Variants in TENM2 observed in about 807,000 individuals in gnomAD.
TENM2 encodes teneurin transmembrane protein 2, also known as teneurin-2.
TENM2 carries 52 observed loss-of-function variants against 245.2 expected under a neutral mutation model. That is an observed-to-expected ratio of 0.21 (90% CI 0.17 to 0.27). The LOEUF is 0.27. Ranked by LOEUF, TENM2 falls within the 10% of genes least tolerant of loss-of-function variation. The pLI, the probability that TENM2 is intolerant of heterozygous loss-of-function variation, is 1.00. For synonymous variants in TENM2, 1,363 were observed against 1,438.9 expected, an observed-to-expected ratio of 0.95 and a Z score of 1.19; for missense variants, 3,046 against 3,666.8, an observed-to-expected ratio of 0.83 and a Z score of 4.37.
intron 2 of TENM2, among the ~76,000 whole-genome samples, chr5:167,537,404 A>G (rs553238665): frequency 1.1e-4 from 16 of 152,328 alleles, no homozygotes; most frequent in Admixed American, 2.0e-4. Context: ...CATCCTCATC[A>G]TGTTTCAGTG....
At chr5:167,217,868 T>C in the TENM2 span, among the ~76,000 whole-genome samples, 1 of 132,134 alleles carries the variant, frequency 7.6e-6, no homozygotes, top group African/African-American at 2.9e-5. Flanking sequence ...ACAGAAGATA[T>C]TAGTCCTCTT....
chr5:167,618,541 G>A (rs551915994), intron 2 of TENM2, among the ~76,000 whole-genome samples: 5 of 152,022 alleles, frequency 3.3e-5, no homozygotes, highest in African/African-American at 9.7e-5. Context: ...AACATCATTC[G>A]CTTAGCTGCA....
chr5:168,100,102 C>T (rs1364824450), intron 9 of TENM2, among the ~76,000 whole-genome samples: 1 of 152,162 alleles, frequency 6.6e-6, no homozygotes, highest in Admixed American at 6.5e-5. Flanking sequence ...GCTGAAGTTG[C>T]TTATCAGGTT....
At chr5:167,586,887 T>A (rs1561576977) in intron 2 of TENM2, among the ~76,000 whole-genome samples, 1 of 152,344 alleles carries the variant, frequency 6.6e-6, no homozygotes, top group Admixed American at 6.5e-5. Context: ...GACCTTTGAC[T>A]TTTAACTTGG....
Position 167,350,308 on chromosome 5 carries a change from G to T in TENM2, c.227-24890G>T, listed in dbSNP as rs1304798379. Among the ~76,000 whole-genome samples, 4 of 151,782 alleles carry T rather than the reference G, an allele frequency of 2.6e-5. No homozygotes were observed. The East Asian group carries it at 7.8e-4, about 29-fold the overall frequency. On this transcript the variant is annotated intron_variant, in intron 1 of 28. Transcript: ENST00000518659. ...AATAATTTATTTTTTGGATCACTTAGTTGTATACCTTTCCTATAAAACACA... is the reference window on the plus strand; with the variant it reads ...AATAATTTATTTTTTGGATCACTTATTTGTATACCTTTCCTATAAAACACA...
At chr5:167,611,654 T>A (rs775026651) in intron 2 of TENM2, among the ~76,000 whole-genome samples, 1 of 152,164 alleles carries the variant, frequency 6.6e-6, no homozygotes, top group African/African-American at 2.4e-5. Flanking sequence ...AAGTAGTTTA[T>A]AAACAACAGA....
chr5:168,099,034 C>T (rs902465611), intron 9 of TENM2, among the ~76,000 whole-genome samples: 2 of 152,102 alleles, frequency 1.3e-5, no homozygotes, highest in African/African-American at 4.8e-5. Flanking sequence ...CTCAGCCTCC[C>T]AAGTAGCTGG....
chr5:167,413,855 G>A (rs1489776865), intron 2 of TENM2, among the ~76,000 whole-genome samples: 1 of 152,112 alleles, frequency 6.6e-6, no homozygotes, highest in African/African-American at 2.4e-5. Context: ...ACATTAGGTG[G>A]CATAAACTGC....
intron 5 of TENM2, among the ~76,000 whole-genome samples, chr5:168,014,549 A>C (rs896748419): frequency 6.6e-6 from 1 of 152,302 alleles, no homozygotes. Flanking sequence ...CTTAAAAAAA[A>C]ATTTTTCCAC....
At chr5:166,991,350 A>G in the TENM2 span, among the ~76,000 whole-genome samples, 2 of 151,972 alleles carry the variant, frequency 1.3e-5, no homozygotes, top group African/African-American at 2.4e-5. Flanking sequence ...ATTGATTTAA[A>G]TTGGATATTT....
intron 2 of TENM2, among the ~76,000 whole-genome samples, chr5:167,531,738 C>A (rs1771519678): frequency 6.6e-6 from 1 of 151,938 alleles, no homozygotes; most frequent in African/African-American, 2.4e-5. Flanking sequence ...TCTTTCTGTG[C>A]CTGGCTTATT....
intron 2 of TENM2, among the ~76,000 whole-genome samples, chr5:167,549,851 T>C (rs1182392524): frequency 6.6e-6 from 1 of 152,202 alleles, no homozygotes; most frequent in Non-Finnish European, 1.5e-5. Flanking sequence ...CTTCTATGCA[T>C]TCATGGATTC....
At chr5:167,069,189 T>G in the TENM2 span, among the ~76,000 whole-genome samples, 1 of 152,284 alleles carries the variant, frequency 6.6e-6, no homozygotes, top group African/African-American at 2.4e-5. Flanking sequence ...TAATTTCCAT[T>G]AAGGGAGCTG....
At chr5:167,293,336 G>A (rs1324483927) in intron 1 of TENM2, among the ~76,000 whole-genome samples, 1 of 151,294 alleles carries the variant, frequency 6.6e-6, no homozygotes, top group African/African-American at 2.4e-5. Context: ...CAAGTAGCTG[G>A]CATTACAGGG....
chr5:168,025,957 C>A (rs1248866475), intron 5 of TENM2, among the ~76,000 whole-genome samples: 1 of 152,158 alleles, frequency 6.6e-6, no homozygotes, highest in Admixed American at 6.5e-5. Context: ...ATCTCCCTGG[C>A]TATGAAGGGG....
At chr5:167,319,653 A>C (rs183578982) in intron 1 of TENM2, among the ~76,000 whole-genome samples, 8 of 152,186 alleles carry the variant, frequency 5.3e-5, no homozygotes, top group African/African-American at 1.9e-4. Flanking sequence ...TATTTGAAGG[A>C]AGAAGCTGCA....
chr5:167,813,332 G>A (rs149654694), intron 2 of TENM2, among the ~76,000 whole-genome samples: 84 of 152,070 alleles, frequency 5.5e-4, no homozygotes, highest in African/African-American at 1.9e-3. Context: ...GAAATATTAC[G>A]TGTCTGCCCA....
chr5:167,196,441 A>AATATATATGTGTGT, the TENM2 span, among the ~76,000 whole-genome samples: 1 of 148,888 alleles, frequency 6.7e-6, no homozygotes, highest in African/African-American at 2.6e-5. Context: ...TTAGTTAGAA[A>AATATATATGTGTGT]ATATATATGT....
the TENM2 span, among the ~76,000 whole-genome samples, chr5:167,229,867 T>C: frequency 6.6e-5 from 10 of 152,178 alleles, no homozygotes; most frequent in Admixed American, 5.9e-4. Context: ...GAGGGCAGGA[T>C]TGGTTTCCCT....
Sources: gnomAD v4.1 joint callset for allele counts (sites outside exome capture counted in the v4.1 genomes callset) on GRCh38, gnomAD v4.1.1 for gene constraint, MANE v1.5 for transcripts, NCBI Gene and HGNC (gene_info 2026-07-23, HGNC 2026-07-21) for gene names.